The following PTP4A1 variants were observed in gnomAD, a reference collection of about 807,000 sequenced individuals.
PTP4A1 encodes the protein protein tyrosine phosphatase type IVA 1.
Under a neutral mutation model 20.5 loss-of-function variants are expected in PTP4A1, and 9 were observed. The observed-to-expected ratio is 0.44, with a 90% CI of 0.26 to 0.77. PTP4A1 has a LOEUF of 0.77. PTP4A1 is among the 30% of genes least tolerant of loss of function. PTP4A1 has a pLI of 0.19. For synonymous variants in PTP4A1, 78 were observed against 67.4 expected (o/e 1.16, Z -0.77); for missense variants, 137 against 218.8 (o/e 0.63, Z 2.36).
At chr6:63,526,274 A>G (rs1775167824) in intron 1 of PTP4A1, among the ~76,000 whole-genome samples, 2 of 152,006 alleles carry the variant, frequency 1.3e-5, no homozygotes, top group Non-Finnish European at 1.5e-5. Flanking sequence ...GCAGTGAACC[A>G]AGATCTCACC....
At chr6:63,539,417 CCTT>C (rs1329150274) in intron 2 of PTP4A1, among the ~76,000 whole-genome samples, 1 of 152,122 alleles carries the variant, frequency 6.6e-6, no homozygotes, top group Non-Finnish European at 1.5e-5. Context: ...TACTCACTAT[CCTT>C]CATGTTTAAT....
At position 63,581,695 on chromosome 6, in the gene PTP4A1, T is replaced by C. The variant is rs1370604285; in HGVS notation, c.*1521T>C. The C allele has an allele frequency of 1.3e-5, 2 of 152,154 alleles. No homozygotes were observed. Among genetic ancestry groups the C allele is most frequent in the Non-Finnish European group, 2.9e-5 (2 of 67,992 alleles). 9.4% of individuals were successfully genotyped at this position (152,154 alleles called of 1,614,324 possible). A position where few individuals can be genotyped will look rare whatever the true frequency, so the allele number is the denominator to read the frequency against. ...AATTTTGAACCAATTTATTATTGTG[T>C]ACTGAGGAGAAATAATGTATAGTAG... On this transcript the variant is annotated 3_prime_UTR_variant, in exon 6 of 6. Coordinates refer to ENST00000626021, the MANE Select transcript of PTP4A1 (RefSeq NM_003463.5).
At chr6:63,557,320 C>T (rs1241920698) in intron 3 of PTP4A1, among the ~76,000 whole-genome samples, 2 of 152,140 alleles carry the variant, frequency 1.3e-5, no homozygotes, top group African/African-American at 2.4e-5. Context: ...AATCCCAGAA[C>T]TTTGGGAGGC....
chr6:63,550,657 C>T (rs1776398088), intron 3 of PTP4A1, among the ~76,000 whole-genome samples: 2 of 152,124 alleles, frequency 1.3e-5, no homozygotes, highest in African/African-American at 4.8e-5. Flanking sequence ...CAGGGTCTCC[C>T]TCTGTTGCCC....
chr6:63,566,835 A>G (rs1485382043), intron 3 of PTP4A1, among the ~76,000 whole-genome samples: 1 of 152,238 alleles, frequency 6.6e-6, no homozygotes, highest in Non-Finnish European at 1.5e-5. Context: ...TCAAAGTTGC[A>G]ATCAGTCCTC....
At position 63,572,604 on chromosome 6, in the gene PTP4A1, T is replaced by C; in HGVS notation, c.-561T>C. The C allele has an allele frequency of 2.4e-6, 1 of 418,504 alleles. No homozygotes were observed. The highest frequency in any genetic ancestry group is 4.1e-6 in the Non-Finnish European group (1 of 242,674). 25.9% of individuals were successfully genotyped at this position (418,504 alleles called of 1,614,324 possible). On this transcript the variant is annotated 5_prime_UTR_variant, in exon 1 of 6. Transcript: ENST00000626021. The stretch of plus-strand genomic sequence containing the variant: ...CCGCCTGCATCGCCGCCACCGCCGC[T>C]CCGCCACGACCACCGCCGCCTCCTG...
rs987331466 is a variant in PTP4A1 at position 63,578,604 on chromosome 6, ATATC to A, written c.198+79_198+82del. On this transcript the variant is annotated intron_variant, in intron 3 of 5. Transcript: ENST00000626021. ...TTATTCAAATAGTAAATTCAAATAA[ATATC>A]TATTTAAGTCATAAATAGACCTCAA... The A allele has an allele frequency of 2.8e-5, 43 of 1,526,036 alleles. No homozygotes were observed. In the African/African-American group the frequency reaches 4.0e-4, roughly 14 times the overall value. The allele number at this position is 1,526,036 out of a possible 1,614,324, so 94.5% of individuals were successfully genotyped here.
At chr6:63,524,530 T>A (rs1231370513) in intron 1 of PTP4A1, among the ~76,000 whole-genome samples, 1 of 152,166 alleles carries the variant, frequency 6.6e-6, no homozygotes, top group Non-Finnish European at 1.5e-5. Flanking sequence ...TTTTAATTCC[T>A]ATATGAATTT....
intron 3 of PTP4A1, among the ~76,000 whole-genome samples, chr6:63,559,841 G>A (rs1776857657): frequency 6.6e-6 from 1 of 152,096 alleles, no homozygotes; most frequent in African/African-American, 2.4e-5. Context: ...TGCCCAGGCT[G>A]GTTTCGAACT....
intron 2 of PTP4A1, among the ~76,000 whole-genome samples, chr6:63,540,763 C>G (rs901545493): frequency 6.6e-6 from 1 of 151,124 alleles, no homozygotes. Context: ...ATGAGGGTGG[C>G]GGGGAGACGT....
At chr6:63,541,411 G>A (rs1282316960) in intron 2 of PTP4A1, among the ~76,000 whole-genome samples, 1 of 151,994 alleles carries the variant, frequency 6.6e-6, no homozygotes, top group Non-Finnish European at 1.5e-5. Context: ...AAAATAGCCA[G>A]GCATAGTGGC....
At chr6:63,548,766 GC>G in intron 2 of PTP4A1, 1 of 704,862 alleles carries the variant, frequency 1.4e-6, no homozygotes, top group Non-Finnish European at 2.6e-6. Context: ...GCCAATGCAA[GC>G]CACAGACTTG....
intron 2 of PTP4A1, among the ~76,000 whole-genome samples, chr6:63,537,025 A>G (rs1775757343): frequency 6.6e-6 from 1 of 152,106 alleles, no homozygotes; most frequent in African/African-American, 2.4e-5. Flanking sequence ...TTAAGGTTAA[A>G]TAGTTTTAAA....
chr6:63,551,596 T>C (rs1195819247), intron 3 of PTP4A1, among the ~76,000 whole-genome samples: 2 of 152,176 alleles, frequency 1.3e-5, no homozygotes, highest in Non-Finnish European at 2.9e-5. Flanking sequence ...TGCAGGTTTG[T>C]TACATATGTA....
intron 3 of PTP4A1, among the ~76,000 whole-genome samples, chr6:63,566,854 C>T (rs1777212352): frequency 6.6e-6 from 1 of 152,212 alleles, no homozygotes; most frequent in Non-Finnish European, 1.5e-5. Flanking sequence ...TCTTAAAACT[C>T]ACCCACTGCT....
At chr6:63,550,916 G>A (rs947300385) in intron 3 of PTP4A1, among the ~76,000 whole-genome samples, 10 of 152,036 alleles carry the variant, frequency 6.6e-5, no homozygotes, top group African/African-American at 1.7e-4. Flanking sequence ...ATGAGCCACC[G>A]TGCCCAGCCC....
intron 3 of PTP4A1, among the ~76,000 whole-genome samples, chr6:63,557,116 G>A (rs1776721306): frequency 6.6e-6 from 1 of 152,100 alleles, no homozygotes; most frequent in South Asian, 2.1e-4. Flanking sequence ...CCTTTGTCTT[G>A]GAATTCTTCA....
At chr6:63,537,802 A>G (rs1311075125) in intron 2 of PTP4A1, among the ~76,000 whole-genome samples, 1 of 152,222 alleles carries the variant, frequency 6.6e-6, no homozygotes, top group East Asian at 1.9e-4. Flanking sequence ...GAGGGTGACT[A>G]TCCTAACCCG....
In PTP4A1 at chr6:63,582,417, T is replaced by C. The variant is rs1778295823; in HGVS notation, c.*2243T>C. 1 of 152,662 alleles carries C rather than the reference T, an allele frequency of 6.6e-6. No homozygotes were observed. The highest frequency in any genetic ancestry group is 1.5e-5 in the Non-Finnish European group (1 of 68,038). 9.5% of individuals were successfully genotyped at this position (152,662 alleles called of 1,614,324 possible). A position where few individuals can be genotyped will look rare whatever the true frequency, so the allele number is the denominator to read the frequency against. On this transcript the variant is annotated 3_prime_UTR_variant, in exon 6 of 6. Coordinates refer to ENST00000626021, the MANE Select transcript of PTP4A1 (RefSeq NM_003463.5). ...GTGCTAAAAATAAATTAATTTACTT[T>C]ATAAACCTTATCTGTACATTATACG...
Sources: gnomAD v4.1 joint callset for allele counts (sites outside exome capture counted in the v4.1 genomes callset) on GRCh38, gnomAD v4.1.1 for gene constraint, MANE v1.5 for transcripts, NCBI Gene and HGNC (gene_info 2026-07-23, HGNC 2026-07-21) for gene names.